The following EPO variants were observed in gnomAD, a reference collection of about 807,000 sequenced individuals.
EPO encodes the protein erythropoietin.
In EPO, 12 loss-of-function variants were observed where a neutral mutation model predicts 24.4. That is an observed-to-expected ratio of 0.49 (90% CI 0.32 to 0.80). EPO has a LOEUF of 0.80. EPO is among the 30% of genes least tolerant of loss of function. The pLI is 0.04. For synonymous variants in EPO, 107 were observed against 104.0 expected (o/e 1.03, Z -0.18); for missense variants, 210 against 238.0 (o/e 0.88, Z 0.77).
chr7:100,722,700 G>A lies in EPO; in HGVS notation c.283G>A (p.Ala95Thr), dbSNP rs763792025. The A allele has an allele frequency of 6.2e-6, 10 of 1,610,082 alleles. No individual in the cohort carries two copies. Among genetic ancestry groups the A allele is most frequent in the Admixed American group, 1.7e-5 (1 of 58,856 alleles). ...GGCCGTAGAAGTCTGGCAGGGCCTG[G>A]CCCTGCTGTCGGAAGCTGTCCTGCG... ...QQAVEVWQGL[A>T]LLSEAVLRGQ... Residue 95 changes from alanine (A) to threonine (T), a missense_variant, in exon 4 of 5, where the codon GCC becomes ACC. By Grantham distance (58) the Ala-to-Thr change is moderately conservative (BLOSUM62 0). Transcript: ENST00000252723.
chr7:100,723,460 T>C lies in EPO; in HGVS notation c.*327T>C, dbSNP rs1348315683. 4.4e-6 allele frequency: 1 copy of C among 225,572 alleles called. No homozygotes were observed. Among genetic ancestry groups the C allele is most frequent in the African/African-American group, 2.3e-5 (1 of 43,730 alleles). 14.0% of individuals were successfully genotyped at this position (225,572 alleles called of 1,614,324 possible). ...TGCAAAATTTGATGCCAGGACACGC[T>C]TTGGAGGCGATTTACCTGTTTTCGC... On this transcript the variant is annotated 3_prime_UTR_variant, in exon 5 of 5. Coordinates refer to ENST00000252723, the MANE Select transcript of EPO (RefSeq NM_000799.4).
chr7:100,723,250 C>T lies in EPO; in HGVS notation c.*117C>T, dbSNP rs934617552. The T allele has an allele frequency of 3.3e-6, 4 of 1,199,146 alleles. No homozygotes were observed. Among genetic ancestry groups the T allele is most frequent in the Non-Finnish European group, 4.7e-6 (4 of 850,512 alleles). The allele number at this position is 1,199,146 out of a possible 1,614,324, so 74.3% of individuals were successfully genotyped here. On this transcript the variant is annotated 3_prime_UTR_variant, in exon 5 of 5. Transcript: ENST00000252723. The stretch of plus-strand genomic sequence containing the variant: ...GGCTCTCAGCTCAGCGCCAGCCTGT[C>T]CCATGGACACTCCAGTGCCAGCAAT...
chr7:100,721,124 G>C lies in EPO; in HGVS notation c.13+131G>C. On this transcript the variant is annotated intron_variant, in intron 1 of 4. Coordinates refer to ENST00000252723, the MANE Select transcript of EPO (RefSeq NM_000799.4). This position sits in a 1 kb window ranked among gnomAD's most constrained non-coding sequence, Gnocchi z 4.0. ...GACTTGTCAAGGACCCCGGAAGGGG[G>C]AGGGGGGTGGGGCAGCCTCCACGTG... 2.5e-6 allele frequency: 1 copy of C among 405,842 alleles called. No individual in the cohort carries two copies. Among genetic ancestry groups the C allele is most frequent in the Non-Finnish European group, 4.5e-6 (1 of 223,550 alleles). The allele number at this position is 405,842 out of a possible 1,614,324, so 25.1% of individuals were successfully genotyped here.
In EPO at chr7:100,722,826, C is replaced by T. The variant is rs369003114; in HGVS notation, c.409C>T (p.Arg137Trp). 6.6e-5 allele frequency: 106 copies of T among 1,613,174 alleles called. No homozygotes were observed. In the Middle Eastern group the frequency reaches 6.6e-4, roughly 10 times the overall value. The change falls in exon 4 of 5, where the codon CGG (arginine) becomes TGG (tryptophan). Residue 137 changes from arginine to tryptophan, a missense_variant. By Grantham distance (101) the Arg-to-Trp change is moderately radical (BLOSUM62 -3). Transcript: ENST00000252723. ...CCTTCGCAGCCTCACCACTCTGCTTCGGGCTCTGGGAGCCCAGGTGAGTAG... is the reference window on the plus strand; with the variant it reads ...CCTTCGCAGCCTCACCACTCTGCTTTGGGCTCTGGGAGCCCAGGTGAGTAG... ...SGLRSLTTLL[R>W]ALGAQKEAIS... is the part of the protein sequence containing the mutation.
Position 100,720,967 on chromosome 7 carries a change from G to A in EPO, c.-14G>A. 1 of 1,568,774 alleles carries A rather than the reference G, an allele frequency of 6.4e-7. No individual in the cohort carries two copies. The highest frequency in any genetic ancestry group is 8.6e-7 in the Non-Finnish European group (1 of 1,159,730). On this transcript the variant is annotated 5_prime_UTR_variant, in exon 1 of 5. Coordinates refer to ENST00000252723, the MANE Select transcript of EPO (RefSeq NM_000799.4). ...GCGCCCCAGGTCGCTGAGGGACCCCGGCCAGGCGCGGAGATGGGGGTGCAC... is the reference window on the plus strand; with the variant it reads ...GCGCCCCAGGTCGCTGAGGGACCCCAGCCAGGCGCGGAGATGGGGGTGCAC...
rs1321322991 is a variant in EPO, at chr7:100,721,964, G to A, written c.162G>A (p.Thr54=). The A allele has an allele frequency of 6.2e-6, 10 of 1,608,546 alleles. No individual in the cohort carries two copies. Among genetic ancestry groups the A allele is most frequent in the Non-Finnish European group, 7.6e-6 (9 of 1,178,668 alleles). Residue 54 remains threonine (T), a splice_region_variant and synonymous_variant, in exon 3 of 5, where the codon ACG becomes ACA. Transcript: ENST00000252723. The surrounding 1 kb of genome is among the most constrained non-coding windows in gnomAD (Gnocchi z 4.0). The part of the protein sequence containing the change: ...LEAKEAENIT[T]GCAEHCSLNE... The stretch of plus-strand genomic sequence containing the variant: ...TCCCCGGGCTGTGTGCATTTCAGAC[G>A]GGCTGTGCTGAACACTGCAGCTTGA...
rs370493713 is a variant in EPO, at chr7:100,722,679, G to T, written c.262G>T (p.Val88Leu). ...CTCCCTGTAGGTCGGGCAGCAGGCC[G>T]TAGAAGTCTGGCAGGGCCTGGCCCT... is the stretch of plus-strand genomic sequence containing the variant. ...WKRMEVGQQA[V>L]EVWQGLALLS... The change falls in exon 4 of 5, where the codon GTA (valine) becomes TTA (leucine). Residue 88 changes from valine to leucine, a missense_variant. Coordinates refer to ENST00000252723, the MANE Select transcript of EPO (RefSeq NM_000799.4). 5 of 1,598,530 alleles carry T rather than the reference G, an allele frequency of 3.1e-6. No homozygotes were observed. The Admixed American group carries it at 5.5e-5, about 17-fold the overall frequency.
At position 100,721,605 on chromosome 7, in the gene EPO, CT is replaced by C; in HGVS notation, c.62del (p.Leu21ArgfsTer42). 6.2e-7 allele frequency: 1 copy of C among 1,614,066 alleles called. No homozygotes were observed. The highest frequency in any genetic ancestry group is 1.6e-4 in the Middle Eastern group (1 of 6,062). ...TCTCCTGTCCCTGCTGTCGCTCCCTCTGGGCCTCCCAGTCCTGGGCGCCCCA... is the reference window on the plus strand; with the variant it reads ...TCTCCTGTCCCTGCTGTCGCTCCCTCGGGCCTCCCAGTCCTGGGCGCCCCA... ...WLLLSLLSLP[L>X]GLPVLGAPPR... On this transcript the variant is annotated frameshift_variant, in exon 2 of 5. Coordinates refer to ENST00000252723, the MANE Select transcript of EPO (RefSeq NM_000799.4). LOFTEE classifies it high-confidence loss of function. The surrounding 1 kb of genome is among the most constrained non-coding windows in gnomAD (Gnocchi z 4.0).
intron 4 of EPO, 42 bp downstream of exon 4, chr7:100,722,885 A>C (rs762976488): frequency 6.2e-7 from 1 of 1,607,334 alleles, no homozygotes; most frequent in Non-Finnish European, 8.5e-7. Context: ...TTCTGTAAGA[A>C]GGGGAGAAGG....
rs756864677 is a variant in EPO at position 100,721,450 on chromosome 7, G to A, written c.14-108G>A. On this transcript the variant is annotated intron_variant, in intron 1 of 4. Transcript: ENST00000252723. The surrounding 1 kb of genome is among the most constrained non-coding windows in gnomAD (Gnocchi z 4.0). ...AGCACCTGAGTGCTTGCATGGTTGG[G>A]GACAGGAAGGACGAGCTGGGGCAGA... The A allele has an allele frequency of 3.1e-5, 45 of 1,448,910 alleles. No individual in the cohort carries two copies. Among genetic ancestry groups the A allele is most frequent in the Admixed American group, 6.0e-5 (3 of 50,406 alleles). 89.8% of individuals were successfully genotyped at this position (1,448,910 alleles called of 1,614,324 possible).
Position 100,721,729 on chromosome 7 carries a change from C to T in EPO, c.159+26C>T. 1.3e-6 allele frequency: 2 copies of T among 1,599,726 alleles called. No individual in the cohort carries two copies. Among genetic ancestry groups the T allele is most frequent in the Non-Finnish European group, 1.7e-6 (2 of 1,176,878 alleles). On this transcript the variant is annotated intron_variant, in intron 2 of 4. Transcript: ENST00000252723. The surrounding 1 kb of genome is among the most constrained non-coding windows in gnomAD (Gnocchi z 4.0). ...GTGAGACCCCTTCCCCAGCACATTC[C>T]ACAGAACTCACGCTCAGGGCTTCAG...
In EPO at chr7:100,722,669, G is replaced by A. The variant is rs759640016; in HGVS notation, c.252G>A (p.Gly84=). ...NFYAWKRMEV[G]QQAVEVWQGL... ...CCAGAGTCCACTCCCTGTAGGTCGGGCAGCAGGCCGTAGAAGTCTGGCAGG... is the reference window on the plus strand; with the variant it reads ...CCAGAGTCCACTCCCTGTAGGTCGGACAGCAGGCCGTAGAAGTCTGGCAGG... The change falls in exon 4 of 5, where the codon GGG becomes GGA. Residue 84 remains glycine (G), a synonymous_variant. Transcript: ENST00000252723. 6.3e-7 allele frequency: 1 copy of A among 1,591,098 alleles called. No individual in the cohort carries two copies. The highest frequency in any genetic ancestry group is 8.5e-7 in the Non-Finnish European group (1 of 1,173,462).
At chr7:100,722,527 A>G in intron 3 of EPO, 137 bp from the exon 4 acceptor site, 1 of 631,328 alleles carries the variant, frequency 1.6e-6, no homozygotes, top group Non-Finnish European at 2.8e-6. Context: ...TCACTCACTC[A>G]CTCATTCATT....
At position 100,722,915 on chromosome 7, in the gene EPO, G is replaced by C; in HGVS notation, c.427-63G>C. On this transcript the variant is annotated intron_variant, in intron 4 of 4. Transcript: ENST00000252723. ...AGAAGGGTCTTGCTAAGGAGTACAG[G>C]AACTGTCCGTATTCCTTCCCTTTCT... 3 of 1,608,640 alleles carry C rather than the reference G, an allele frequency of 1.9e-6. No homozygotes were observed. The Admixed American group carries it at 5.0e-5, about 27-fold the overall frequency.
chr7:100,722,523 AC>A (rs1806759195), intron 3 of EPO, 140 bp from the exon 4 acceptor site: 66 of 578,040 alleles, frequency 1.1e-4, no homozygotes, highest in Middle Eastern at 5.9e-4. Flanking sequence ...TCACTCACTC[AC>A]TCACTCATTC....
In EPO at chr7:100,721,941, C is replaced by T. The variant is rs1361957498; in HGVS notation, c.160-21C>T. On this transcript the variant is annotated intron_variant, in intron 2 of 4. Coordinates refer to ENST00000252723, the MANE Select transcript of EPO (RefSeq NM_000799.4). This position sits in a 1 kb window ranked among gnomAD's most constrained non-coding sequence, Gnocchi z 4.0. ...CAGAGCCTTCAGGGACCCTTGACTCCCCGGGCTGTGTGCATTTCAGACGGG... is the reference window on the plus strand; with the variant it reads ...CAGAGCCTTCAGGGACCCTTGACTCTCCGGGCTGTGTGCATTTCAGACGGG... The T allele has an allele frequency of 1.2e-6, 2 of 1,601,448 alleles. No individual in the cohort carries two copies. Among genetic ancestry groups the T allele is most frequent in the South Asian group, 1.1e-5 (1 of 87,930 alleles).
rs149877548 is a variant in EPO, at chr7:100,721,691, C to G, written c.147C>G (p.Ala49=). 17 of 1,610,302 alleles carry G rather than the reference C, an allele frequency of 1.1e-5. 1 individual carries two copies. The East Asian group carries it at 3.8e-4, about 36-fold the overall frequency. ...LERYLLEAKE[A]ENITTGCAEH... Reference sequence around the variant, plus strand: ...GGTACCTCTTGGAGGCCAAGGAGGCCGAGAATATCACGGTGAGACCCCTTC... The same window carrying G: ...GGTACCTCTTGGAGGCCAAGGAGGCGGAGAATATCACGGTGAGACCCCTTC... Residue 49 remains alanine, a synonymous_variant, in exon 2 of 5, where the codon GCC becomes GCG. Transcript: ENST00000252723. This position sits in a 1 kb window ranked among gnomAD's most constrained non-coding sequence, Gnocchi z 4.0.
At position 100,720,628 on chromosome 7, in the gene EPO, G is replaced by C. The variant is rs1488846351; in HGVS notation, c.-353G>C. Among the ~76,000 whole-genome samples the C allele has an allele frequency of 6.6e-6, 1 of 152,092 alleles. No homozygotes were observed. Among genetic ancestry groups the C allele is most frequent in the Non-Finnish European group, 1.5e-5 (1 of 68,012 alleles). Reference sequence around the variant, plus strand: ...GCCTCAACCCAGGCGTCCTGCCCCTGCTCTGACCCCGGGTGGCCCCTACCC... The same window carrying C: ...GCCTCAACCCAGGCGTCCTGCCCCTCCTCTGACCCCGGGTGGCCCCTACCC... On this transcript the variant is annotated 5_prime_UTR_variant, in exon 1 of 5. Transcript: ENST00000252723.
Position 100,721,988 on chromosome 7 carries a change from GAATGAGAATATCACT to G in EPO, c.187_201del (p.Asn63_Thr67del). The G allele has an allele frequency of 6.2e-7, 1 of 1,613,436 alleles. No homozygotes were observed. Among genetic ancestry groups the G allele is most frequent in the Non-Finnish European group, 8.5e-7 (1 of 1,179,842 alleles). Reference sequence around the variant, plus strand: ...CGGGCTGTGCTGAACACTGCAGCTTGAATGAGAATATCACTGTCCCAGACACCAAAGTTAATTTCT... The same window carrying G: ...CGGGCTGTGCTGAACACTGCAGCTTGGTCCCAGACACCAAAGTTAATTTCT... On this transcript the variant is annotated inframe_deletion, in exon 3 of 5. Coordinates refer to ENST00000252723, the MANE Select transcript of EPO (RefSeq NM_000799.4). This position sits in a 1 kb window ranked among gnomAD's most constrained non-coding sequence, Gnocchi z 4.0.
Sources: gnomAD v4.1 joint callset for allele counts (sites outside exome capture counted in the v4.1 genomes callset) on GRCh38, gnomAD v4.1.1 for gene constraint, Gnocchi (gnomAD v3.1) non-coding constraint, MANE v1.5 for transcripts, NCBI Gene and HGNC (gene_info 2026-07-23, HGNC 2026-07-21) for gene names.